The following BRINP2 variants were observed in gnomAD, a reference collection of about 807,000 sequenced individuals.
BRINP2 encodes the protein BMP/retinoic acid inducible neural specific 2, also known as BMP/retinoic acid-inducible neural-specific protein 2.
Under a neutral mutation model 69.2 loss-of-function variants are expected in BRINP2, and 21 were observed. The observed-to-expected ratio is 0.30, with a 90% CI of 0.22 to 0.44. The LOEUF (loss-of-function observed/expected upper bound fraction) is 0.44. Among genes scored for constraint, BRINP2 ranks in the 20% least tolerant of loss-of-function variants. BRINP2 has a pLI of 1.00. For synonymous variants in BRINP2, 380 were observed against 394.1 expected, an observed-to-expected ratio of 0.96 and a Z score of 0.42; for missense variants, 877 against 986.0, an observed-to-expected ratio of 0.89 and a Z score of 1.48.
At position 177,278,792 on chromosome 1, in the gene BRINP2, A is replaced by ACC; in HGVS notation, c.1235+11_1235+12dup. The stretch of plus-strand genomic sequence containing the variant: ...TCCGCCTGCCCAAGGAGAGGTGAGC[A>ACC]CCCCCTGGCTGCTACAGCCAGAGCT... On this transcript the variant is annotated splice_region_variant and intron_variant, in intron 7 of 7. Transcript: ENST00000361539. The ACC allele has an allele frequency of 6.2e-7, 1 of 1,613,320 alleles. No individual in the cohort carries two copies. Among genetic ancestry groups the ACC allele is most frequent in the Non-Finnish European group, 8.5e-7 (1 of 1,179,930 alleles).
At chr1:177,216,272 A>G (rs1481749319) in intron 1 of BRINP2, among the ~76,000 whole-genome samples, 2 of 151,904 alleles carry the variant, frequency 1.3e-5, no homozygotes, top group Non-Finnish European at 2.9e-5. Flanking sequence ...TGCATCTCCT[A>G]TAGATTTTTG....
intron 1 of BRINP2, among the ~76,000 whole-genome samples, chr1:177,211,929 C>CT (rs148778824): frequency 9.5e-4 from 144 of 152,262 alleles, no homozygotes; most frequent in African/African-American, 3.3e-3. Flanking sequence ...TAATAATTCT[C>CT]TAATTCCATA....
chr1:177,240,577 G>T (rs148809662), intron 2 of BRINP2, among the ~76,000 whole-genome samples: 1 of 152,280 alleles, frequency 6.6e-6, no homozygotes, highest in Non-Finnish European at 1.5e-5. Flanking sequence ...ATGTTGGCCT[G>T]GTTCATTGAG....
chr1:177,201,396 A>T (rs750142268), intron 1 of BRINP2, among the ~76,000 whole-genome samples: 2 of 152,152 alleles, frequency 1.3e-5, no homozygotes, highest in Non-Finnish European at 2.9e-5. Context: ...AATAAGAGAG[A>T]AGGTACACTA....
intron 4 of BRINP2, among the ~76,000 whole-genome samples, chr1:177,266,634 C>G (rs1651132756): frequency 6.6e-6 from 1 of 151,672 alleles, no homozygotes. Flanking sequence ...GTGGCGGGCA[C>G]CTGTAGTCCC....
intron 1 of BRINP2, among the ~76,000 whole-genome samples, chr1:177,206,772 G>A (rs778689262): frequency 4.6e-5 from 7 of 152,198 alleles, no homozygotes; most frequent in Non-Finnish European, 1.0e-4. Context: ...ACGTGGCTAC[G>A]TTGGCAAATG....
chr1:177,187,425 A>C (rs1216127879), intron 1 of BRINP2, among the ~76,000 whole-genome samples: 1 of 152,168 alleles, frequency 6.6e-6, no homozygotes, highest in African/African-American at 2.4e-5. Context: ...GAAGAGCACA[A>C]GTTTTTTTCT....
intron 1 of BRINP2, among the ~76,000 whole-genome samples, chr1:177,172,852 T>C (rs981656620): frequency 6.6e-6 from 1 of 152,172 alleles, no homozygotes. Context: ...ATCTAGGCCT[T>C]ATTCAGCAGG....
intron 1 of BRINP2, among the ~76,000 whole-genome samples, chr1:177,228,358 C>G (rs1649764012): frequency 6.6e-6 from 1 of 152,160 alleles, no homozygotes. Context: ...GGGAGAGTTC[C>G]AGAATTAATG....
intron 4 of BRINP2, among the ~76,000 whole-genome samples, chr1:177,267,336 CTG>C (rs1384178222): frequency 3.3e-5 from 5 of 152,196 alleles, no homozygotes; most frequent in Non-Finnish European, 5.9e-5. Flanking sequence ...TCATCTCCAT[CTG>C]TGTCATCTTC....
chr1:177,194,841 C>G (rs1349064993), intron 1 of BRINP2, among the ~76,000 whole-genome samples: 2 of 152,136 alleles, frequency 1.3e-5, no homozygotes, highest in Non-Finnish European at 1.5e-5. Context: ...CCAGTAGTCT[C>G]TGGTCCCCTT....
intron 6 of BRINP2, among the ~76,000 whole-genome samples, chr1:177,278,091 C>T (rs1651560973): frequency 6.6e-6 from 1 of 152,120 alleles, no homozygotes; most frequent in South Asian, 2.1e-4. Context: ...GATTTCTGAG[C>T]TGGGTGCTGC....
rs142627640 is a variant in BRINP2, at chr1:177,278,516, T to A, written c.1013-47T>A. On this transcript the variant is annotated intron_variant, in intron 6 of 7. Transcript: ENST00000361539. ...CAGCGTCCACTTGCCCCTACCAGAGTTCTGCATAGCTACCCGTCAGCTCAG... is the reference window on the plus strand; with the variant it reads ...CAGCGTCCACTTGCCCCTACCAGAGATCTGCATAGCTACCCGTCAGCTCAG... The A allele has an allele frequency of 1.7e-3, 2,732 of 1,585,288 alleles. 6 individuals carry two copies. The highest frequency in any genetic ancestry group is 2.2e-3 in the Non-Finnish European group (2,515 of 1,154,126).
intron 1 of BRINP2, among the ~76,000 whole-genome samples, chr1:177,228,248 G>A (rs1328318174): frequency 6.6e-6 from 1 of 152,236 alleles, no homozygotes; most frequent in Non-Finnish European, 1.5e-5. Context: ...CACTCAAGCT[G>A]TGTCCTCCAT....
At chr1:177,230,234 A>C in intron 2 of BRINP2, 89 bp downstream of exon 2, 1 of 1,408,540 alleles carries the variant, frequency 7.1e-7, no homozygotes. Context: ...ACCCCTAAAC[A>C]GGCTGGAATG....
intron 1 of BRINP2, among the ~76,000 whole-genome samples, chr1:177,194,633 G>A (rs1340200644): frequency 3.9e-5 from 6 of 152,114 alleles, no homozygotes; most frequent in African/African-American, 1.2e-4. Context: ...ATTTTAATAA[G>A]CCTTCATTTT....
At chr1:177,234,584 A>C (rs1039263152) in intron 2 of BRINP2, among the ~76,000 whole-genome samples, 30 of 152,204 alleles carry the variant, frequency 2.0e-4, no homozygotes, top group Admixed American at 1.3e-4. Flanking sequence ...CTATGATGAA[A>C]CACTTAAAAC....
chr1:177,223,676 A>G (rs1649608016), intron 1 of BRINP2, among the ~76,000 whole-genome samples: 1 of 152,172 alleles, frequency 6.6e-6, no homozygotes, highest in South Asian at 2.1e-4. Flanking sequence ...AATATTTAGT[A>G]AACAGTAATT....
At chr1:177,264,260 T>C (rs1340829409) in intron 4 of BRINP2, among the ~76,000 whole-genome samples, 2 of 152,180 alleles carry the variant, frequency 1.3e-5, no homozygotes, top group Non-Finnish European at 2.9e-5. Flanking sequence ...TTAAATTCCT[T>C]GATTCATCAC....
Sources: gnomAD v4.1 joint callset for allele counts (sites outside exome capture counted in the v4.1 genomes callset) on GRCh38, gnomAD v4.1.1 for gene constraint, MANE v1.5 for transcripts, NCBI Gene and HGNC (gene_info 2026-07-23, HGNC 2026-07-21) for gene names.